The following TMIGD2 variants were observed in gnomAD, a reference collection of about 807,000 sequenced individuals.
TMIGD2 encodes the protein transmembrane and immunoglobulin domain-containing protein 2.
TMIGD2 carries 18 observed loss-of-function variants against 22.6 expected under a neutral mutation model. The observed-to-expected ratio is 0.80, with a 90% CI of 0.55 to 1.18. TMIGD2 has a LOEUF of 1.18. Among genes scored for constraint, TMIGD2 ranks in the 50% most tolerant of loss-of-function variants. The pLI, the probability that TMIGD2 is intolerant of heterozygous loss-of-function variation, is 0.00. For synonymous variants in TMIGD2, 184 were observed against 154.1 expected, an observed-to-expected ratio of 1.19 and a Z score of -1.44; for missense variants, 361 against 378.2, an observed-to-expected ratio of 0.95 and a Z score of 0.38.
At chr19:4,296,910 A>G (rs996685186) in intron 2 of TMIGD2, among the ~76,000 whole-genome samples, 1 of 152,154 alleles carries the variant, frequency 6.6e-6, no homozygotes, top group African/African-American at 2.4e-5. Flanking sequence ...AGTGGGGGAC[A>G]TGGCAAAGGG....
chr19:4,294,244 T>C (rs1409526310), intron 4 of TMIGD2, among the ~76,000 whole-genome samples: 1 of 151,864 alleles, frequency 6.6e-6, no homozygotes, highest in African/African-American at 2.4e-5. Context: ...ATTTTTTGTA[T>C]TTTTAGTAGA....
chr19:4,292,547 C>CT, exon 5 of TMIGD2: 1 of 1,565,352 alleles, frequency 6.4e-7, no homozygotes, highest in Admixed American at 1.7e-5. Context: ...TCGATCCCCC[C>CT]TTTTTTGTGT....
chr19:4,299,675 T>C (rs1971509382), intron 1 of TMIGD2, among the ~76,000 whole-genome samples: 1 of 151,768 alleles, frequency 6.6e-6, no homozygotes, highest in African/African-American at 2.4e-5. Flanking sequence ...TCACCTGAGG[T>C]CAGGAGTTCG....
At chr19:4,302,307 G>C (rs1371445070) in intron 1 of TMIGD2, 33 bp downstream of exon 1, 1 of 1,550,820 alleles carries the variant, frequency 6.4e-7, no homozygotes, top group Non-Finnish European at 8.7e-7. Flanking sequence ...AGCAAGAGTG[G>C]GGTTCAGAGG....
At chr19:4,298,685 A>G (rs1971496654) in intron 1 of TMIGD2, among the ~76,000 whole-genome samples, 1 of 152,154 alleles carries the variant, frequency 6.6e-6, no homozygotes, top group African/African-American at 2.4e-5. Context: ...GCGGTGAGCT[A>G]TGATTGCACC....
rs924008060 is a variant in TMIGD2, at chr19:4,293,592, T to TTTTG, written c.563-711_563-708dup. 1.1e-4 allele frequency among the ~76,000 whole-genome samples: 17 copies of TTTTG among 151,078 alleles called. No homozygotes were observed. In the East Asian group the frequency reaches 2.0e-3, roughly 17 times the overall value. ...TTTTTTTTTTAATTTCAAACTGTCT[T>TTTTG]TTTGTTTGTTTGTTTGTTTTTTGAG... is the stretch of plus-strand genomic sequence containing the variant. On this transcript the variant is annotated intron_variant, in intron 4 of 4. Transcript: ENST00000301272.
intron 2 of TMIGD2, among the ~76,000 whole-genome samples, chr19:4,295,416 C>T (rs1036689544): frequency 2.0e-5 from 3 of 151,646 alleles, no homozygotes; most frequent in East Asian, 1.9e-4. Flanking sequence ...AAAAATTAGC[C>T]GGCCATGGTG....
At chr19:4,298,053 C>A in exon 2 of TMIGD2, 1 of 1,613,598 alleles carries the variant, frequency 6.2e-7, no homozygotes, top group Non-Finnish European at 8.5e-7. Flanking sequence ...CTACGGCCGC[C>A]CAGCACACGT....
exon 5 of TMIGD2, chr19:4,292,539 G>C (rs564860685): frequency 2.0e-5 from 31 of 1,528,638 alleles, no homozygotes; most frequent in Non-Finnish European, 2.6e-5. Flanking sequence ...GTCTGGCCTC[G>C]ATCCCCCCTT....
chr19:4,302,339 C>T lies in TMIGD2; in HGVS notation c.46+1G>A. The T allele has an allele frequency of 1.3e-6, 2 of 1,574,024 alleles. No individual in the cohort carries two copies. The highest frequency in any genetic ancestry group is 1.7e-6 in the Non-Finnish European group (2 of 1,158,876). On this transcript the variant is annotated splice_donor_variant, in intron 1 of 4. Coordinates refer to ENST00000301272, the Ensembl canonical transcript of TMIGD2. LOFTEE classifies it high-confidence loss of function. ...GAGGGGAGGGAGGCCCAGATACTCA[C>T]CCCAGATCTGCACCAGGAGGCCCAG...
chr19:4,293,816 T>TAAC (rs1174689996), intron 4 of TMIGD2, among the ~76,000 whole-genome samples: 1 of 151,548 alleles, frequency 6.6e-6, no homozygotes, highest in Non-Finnish European at 1.5e-5. Flanking sequence ...GGCTGGAGTG[T>TAAC]AGTGAGGCAG....
At chr19:4,298,118 G>T in exon 2 of TMIGD2, 2 of 1,613,492 alleles carry the variant, frequency 1.2e-6, no homozygotes, top group Non-Finnish European at 1.7e-6. Flanking sequence ...AGATGGCTGG[G>T]TGCCTGCCAG....
intron 1 of TMIGD2, 138 bp from the exon 2 acceptor site, chr19:4,298,483 T>A (rs1971494054): frequency 7.6e-7 from 1 of 1,320,482 alleles, no homozygotes; most frequent in Admixed American, 3.1e-5. Flanking sequence ...ACGCCTGTAG[T>A]CCCAGCACTT....
At chr19:4,294,631 G>A (rs376179994) in exon 4 of TMIGD2, 7 of 1,607,524 alleles carry the variant, frequency 4.4e-6, no homozygotes, top group Admixed American at 3.4e-5. Context: ...CACCCCACAC[G>A]ATCGCAGCCA....
exon 2 of TMIGD2, chr19:4,298,006 G>C (rs1291541227): frequency 6.2e-7 from 1 of 1,603,918 alleles, no homozygotes; most frequent in African/African-American, 1.3e-5. Flanking sequence ...AAAGAGCCTT[G>C]TTATGTTGCC....
exon 1 of TMIGD2, chr19:4,302,377 G>T (rs1296312600): frequency 6.4e-7 from 1 of 1,568,424 alleles, no homozygotes; most frequent in Admixed American, 1.8e-5. Context: ...CCATGCCCGG[G>T]GACCCCATTC....
intron 2 of TMIGD2, 58 bp downstream of exon 2, chr19:4,297,928 G>T: frequency 6.7e-7 from 1 of 1,492,004 alleles, no homozygotes; most frequent in Non-Finnish European, 8.9e-7. Flanking sequence ...AGACTCAAAA[G>T]TCTTAAGATT....
At chr19:4,300,896 G>C (rs1971527907) in intron 1 of TMIGD2, among the ~76,000 whole-genome samples, 1 of 152,172 alleles carries the variant, frequency 6.6e-6, no homozygotes, top group African/African-American at 2.4e-5. Context: ...AGGAAGTTAA[G>C]CAGTTTATGT....
intron 1 of TMIGD2, among the ~76,000 whole-genome samples, chr19:4,300,289 T>G (rs140992893): frequency 6.8e-6 from 1 of 146,790 alleles, no homozygotes; most frequent in African/African-American, 2.6e-5. Context: ...CCGGGTGCAG[T>G]GGCTCACGCC....
Sources: gnomAD v4.1 joint callset for allele counts (sites outside exome capture counted in the v4.1 genomes callset) on GRCh38, gnomAD v4.1.1 for gene constraint, MANE v1.5 for transcripts, NCBI Gene and HGNC (gene_info 2026-07-23, HGNC 2026-07-21) for gene names.